CCDC102B: variants seen among roughly 807,000 people sequenced by gnomAD.
CCDC102B encodes the protein coiled-coil domain-containing protein 102B.
A neutral mutation model predicts 57.4 loss-of-function variants in CCDC102B; 75 were observed. The observed-to-expected ratio is 1.31, with a 90% CI of 1.08 to 1.58. The LOEUF (loss-of-function observed/expected upper bound fraction) is 1.58. Ranked by LOEUF, CCDC102B falls within the 40% of genes most tolerant of loss-of-function variation. The probability of loss-of-function intolerance (pLI) is 0.00; values close to 1 mark genes in which losing one functional copy is unlikely to be tolerated. For synonymous variants in CCDC102B, 206 were observed against 201.9 expected (o/e 1.02, Z -0.17); for missense variants, 636 against 582.6 (o/e 1.09, Z -0.94).
At chr18:69,043,003 C>G (rs978387912) in intron 7 of CCDC102B, among the ~76,000 whole-genome samples, 9 of 152,150 alleles carry the variant, frequency 5.9e-5, no homozygotes, top group African/African-American at 1.9e-4. Flanking sequence ...ATCCCGCCAG[C>G]CTCTGAGTTC....
At chr18:68,718,515 G>T (rs564053766) in intron 2 of CCDC102B, among the ~76,000 whole-genome samples, 13 of 152,264 alleles carry the variant, frequency 8.5e-5, no homozygotes, top group African/African-American at 3.1e-4. Context: ...TTCTTGATCT[G>T]GGTGCTGCTT....
At chr18:68,988,463 G>A (rs933449785) in intron 6 of CCDC102B, among the ~76,000 whole-genome samples, 26 of 151,178 alleles carry the variant, frequency 1.7e-4, no homozygotes, top group African/African-American at 6.1e-4. Flanking sequence ...CTTCGGTGGT[G>A]GTATCCAGAC....
intron 2 of CCDC102B, among the ~76,000 whole-genome samples, chr18:68,763,683 A>G (rs553597371): frequency 7.2e-6 from 1 of 138,040 alleles, no homozygotes; most frequent in Non-Finnish European, 1.5e-5. Context: ...AATATTTGTT[A>G]AACAAATATT....
intron 2 of CCDC102B, among the ~76,000 whole-genome samples, chr18:68,758,692 A>T (rs1180196312): frequency 6.6e-6 from 1 of 150,472 alleles, no homozygotes; most frequent in African/African-American, 2.5e-5. Flanking sequence ...TAGTTTTAAA[A>T]CTAGTCATTC....
intron 6 of CCDC102B, among the ~76,000 whole-genome samples, chr18:68,940,422 G>C (rs2049346284): frequency 6.6e-6 from 1 of 151,656 alleles, no homozygotes; most frequent in Non-Finnish European, 1.5e-5. Flanking sequence ...TTTATGCACA[G>C]ACTGTTTCTT....
At chr18:68,815,775 A>G (rs2036451548) in intron 1 of CCDC102B, among the ~76,000 whole-genome samples, 2 of 151,932 alleles carry the variant, frequency 1.3e-5, no homozygotes, top group African/African-American at 4.8e-5. Context: ...TATAAGATGT[A>G]TGTATTTTTT....
Position 68,914,926 on chromosome 18 carries a change from GA to G in CCDC102B, c.1263+17499del, listed in dbSNP as rs571283302. 2.6e-3 allele frequency among the ~76,000 whole-genome samples: 396 copies of G among 152,096 alleles called. 3 individuals carry two copies. Among genetic ancestry groups the G allele is most frequent in the Non-Finnish European group, 3.0e-3 (206 of 67,992 alleles). On this transcript the variant is annotated intron_variant, in intron 6 of 7. Coordinates refer to ENST00000360242, the MANE Select transcript of CCDC102B (RefSeq NM_024781.3). ...TCACAGTTTCCAAGAACCTATGGAT[GA>G]CTTTAGGTGAGGACTTACTGTATTT...
chr18:68,719,399 A>T (rs1431723467), intron 2 of CCDC102B, among the ~76,000 whole-genome samples: 1 of 152,176 alleles, frequency 6.6e-6, no homozygotes, highest in Non-Finnish European at 1.5e-5. Context: ...AAAACCTGAT[A>T]ATGAGGGGTC....
downstream of CCDC102B, among the ~76,000 whole-genome samples, chr18:69,057,862 G>A (rs974630): frequency 0.79 from 119,985 of 151,862 alleles, 51,009 homozygotes; most frequent in Non-Finnish European, 0.95. Flanking sequence ...TTTCTTTTAG[G>A]TTCAGTGGGT....
intron 6 of CCDC102B, among the ~76,000 whole-genome samples, chr18:68,969,437 C>G (rs975989982): frequency 6.6e-6 from 1 of 151,360 alleles, no homozygotes; most frequent in African/African-American, 2.4e-5. Flanking sequence ...GTTTAATATA[C>G]TAACATTTAT....
intron 6 of CCDC102B, among the ~76,000 whole-genome samples, chr18:68,927,468 CT>C (rs1308999123): frequency 6.6e-6 from 1 of 151,862 alleles, no homozygotes; most frequent in South Asian, 2.1e-4. Context: ...TTTACCTCCC[CT>C]GTTTTCTGTC....
At chr18:68,861,828 A>C (rs2038773070) in intron 4 of CCDC102B, among the ~76,000 whole-genome samples, 1 of 152,238 alleles carries the variant, frequency 6.6e-6, no homozygotes, top group Non-Finnish European at 1.5e-5. Flanking sequence ...TATGACTAAG[A>C]AATAAAATTA....
At chr18:68,843,488 G>A (rs1208836978) in intron 3 of CCDC102B, among the ~76,000 whole-genome samples, 3 of 151,828 alleles carry the variant, frequency 2.0e-5, no homozygotes, top group Non-Finnish European at 4.4e-5. Flanking sequence ...TCCAATTATT[G>A]TGGAATTGTG....
intron 6 of CCDC102B, among the ~76,000 whole-genome samples, chr18:68,910,661 T>C (rs1289261352): frequency 6.6e-6 from 1 of 152,176 alleles, no homozygotes; most frequent in African/African-American, 2.4e-5. Flanking sequence ...ACAAGAATAG[T>C]TCTACTGTAG....
chr18:69,050,716 T>C (rs1247386912), intron 7 of CCDC102B, among the ~76,000 whole-genome samples: 1 of 152,138 alleles, frequency 6.6e-6, no homozygotes, highest in Non-Finnish European at 1.5e-5. Context: ...TAGACACACA[T>C]GGGAAAACTG....
rs543042992 is a variant in CCDC102B, at chr18:68,965,363, A to G, written c.1264-45571A>G. On this transcript the variant is annotated intron_variant, in intron 6 of 7. Transcript: ENST00000360242. The stretch of plus-strand genomic sequence containing the variant: ...TGCTGCTGAGCTATTGATTTTTAAA[A>G]TATTTTTATTATAATTTTACTTCTA... 6.6e-5 allele frequency among the ~76,000 whole-genome samples: 10 copies of G among 151,372 alleles called. 1 individual carries two copies. The highest frequency in any genetic ancestry group is 1.2e-4 in the Non-Finnish European group (8 of 67,820).
Position 68,991,063 on chromosome 18 carries a change from G to A in CCDC102B, c.1264-19871G>A, listed in dbSNP as rs373242900. On this transcript the variant is annotated intron_variant, in intron 6 of 7. Transcript: ENST00000360242. The stretch of plus-strand genomic sequence containing the variant: ...ATTAATTTTTATGAACATTAATAGG[G>A]TTTTACTTCTATTTGTCTTTCTAAC... 8.7e-4 allele frequency among the ~76,000 whole-genome samples: 128 copies of A among 146,400 alleles called. No individual in the cohort carries two copies. The Middle Eastern group carries it at 0.011, about 12-fold the overall frequency.
chr18:68,893,830 G>GATATTC (rs2040157170), intron 5 of CCDC102B, among the ~76,000 whole-genome samples: 3 of 152,072 alleles, frequency 2.0e-5, no homozygotes, highest in Admixed American at 2.0e-4. Flanking sequence ...AACTGATTCT[G>GATATTC]ATATTCATAC....
Position 68,731,331 on chromosome 18 carries a change from A to G in CCDC102B, c.-67+14737A>G, listed in dbSNP as rs533836550. 2.0e-5 allele frequency among the ~76,000 whole-genome samples: 3 copies of G among 152,300 alleles called. No homozygotes were observed. In the East Asian group the frequency reaches 5.8e-4, roughly 29 times the overall value. Reference sequence around the variant, plus strand: ...GTATTTTTCTATTTTCGATGCTGAGATGATCACAAACCCCTATAATCTAGT... The same window carrying G: ...GTATTTTTCTATTTTCGATGCTGAGGTGATCACAAACCCCTATAATCTAGT... On this transcript the variant is annotated intron_variant, in intron 2 of 3. Transcript: ENST00000578970.
Sources: gnomAD v4.1 joint callset for allele counts (sites outside exome capture counted in the v4.1 genomes callset) on GRCh38, gnomAD v4.1.1 for gene constraint, MANE v1.5 for transcripts, NCBI Gene and HGNC (gene_info 2026-07-23, HGNC 2026-07-21) for gene names.